The following DYNC2H1 variants were observed in gnomAD, a reference collection of about 807,000 sequenced individuals.
DYNC2H1 encodes dynein cytoplasmic 2 heavy chain 1.
A neutral mutation model predicts 570.0 loss-of-function variants in DYNC2H1; 410 were observed. That is an observed-to-expected ratio of 0.72 (90% confidence interval 0.66 to 0.78). DYNC2H1 has a LOEUF of 0.78. DYNC2H1 is among the 30% of genes least tolerant of loss of function. The pLI, the probability that DYNC2H1 is intolerant of heterozygous loss-of-function variation, is 0.00. For missense variants in DYNC2H1, 4,865 were observed against 5,046.4 expected, an observed-to-expected ratio of 0.96 and a Z score of 1.09; for synonymous variants, 1,688 against 1,677.6, an observed-to-expected ratio of 1.01 and a Z score of -0.15.
chr11:103,358,645 T>C (rs184129697), intron 83 of DYNC2H1, among the ~76,000 whole-genome samples: 15 of 152,312 alleles, frequency 9.8e-5, no homozygotes, highest in Admixed American at 6.5e-4. Context: ...TGTTTGATAA[T>C]TTTCTTCCTC....
Position 103,245,335 on chromosome 11 carries a change from G to C in DYNC2H1, c.10003G>C (p.Val3335Leu). ...IIQEMDGVEP[V>L]LYPLLRRDLV... is the part of the protein sequence containing the mutation. ...ACAAGAGATGGATGGTGTAGAACCT[G>C]TTCTTTATCCATTATTGAGACGAGA... Residue 3335 changes from valine to leucine, a missense_variant, in exon 65 of 89, where the codon GTT becomes CTT. By Grantham distance (32) the Val-to-Leu change is conservative. Coordinates refer to ENST00000375735, the MANE Select transcript of DYNC2H1 (RefSeq NM_001377.3). This position sits in a 1 kb window ranked among gnomAD's most constrained non-coding sequence, Gnocchi z 4.5. 1 of 1,582,470 alleles carries C rather than the reference G, an allele frequency of 6.3e-7. No homozygotes were observed. The highest frequency in any genetic ancestry group is 8.6e-7 in the Non-Finnish European group (1 of 1,163,200).
intron 70 of DYNC2H1, among the ~76,000 whole-genome samples, chr11:103,263,139 T>C (rs1865377978): frequency 6.6e-6 from 1 of 150,478 alleles, no homozygotes; most frequent in African/African-American, 2.5e-5. Context: ...AAGGGATCAA[T>C]GCAACGAGAA....
At position 103,459,681 on chromosome 11, in the gene DYNC2H1, G is replaced by A. The variant is rs367546838; in HGVS notation, c.12648+3325G>A. Among the ~76,000 whole-genome samples, 35 of 152,090 alleles carry A rather than the reference G, an allele frequency of 2.3e-4. 1 individual carries two copies. In the East Asian group the frequency reaches 4.5e-3, roughly 19 times the overall value. On this transcript the variant is annotated intron_variant, in intron 87 of 88. Coordinates refer to ENST00000375735, the MANE Select transcript of DYNC2H1 (RefSeq NM_001377.3). The stretch of plus-strand genomic sequence containing the variant: ...TAAAGCTGAAGGAGTGGCCGGGCGC[G>A]GTGGCTCACGCCTGTAATCCCAGCA...
At chr11:103,377,987 T>TTGG (rs1192118530) in intron 83 of DYNC2H1, among the ~76,000 whole-genome samples, 2 of 152,226 alleles carry the variant, frequency 1.3e-5, no homozygotes, top group Non-Finnish European at 2.9e-5. Flanking sequence ...TCCTCCAGCC[T>TTGG]TGGCCTCCCA....
In DYNC2H1 at chr11:103,228,508, G is replaced by A. The variant is rs1288573985; in HGVS notation, c.9354-2752G>A. Among the ~76,000 whole-genome samples, 2 of 152,166 alleles carry A rather than the reference G, an allele frequency of 1.3e-5. No homozygotes were observed. Among genetic ancestry groups the A allele is most frequent in the Non-Finnish European group, 2.9e-5 (2 of 68,028 alleles). ...CTACTGGGCTCTGGGCTGGTGTTGGGGAGTGTCTGCACAGAGTCCTGTGAT... is the reference window on the plus strand; with the variant it reads ...CTACTGGGCTCTGGGCTGGTGTTGGAGAGTGTCTGCACAGAGTCCTGTGAT... On this transcript the variant is annotated intron_variant, in intron 59 of 88. Coordinates refer to ENST00000375735, the MANE Select transcript of DYNC2H1 (RefSeq NM_001377.3). This position sits in a 1 kb window ranked among gnomAD's most constrained non-coding sequence, Gnocchi z 6.1.
rs755279762 is a variant in DYNC2H1 at position 103,243,735 on chromosome 11, A to T, written c.9862A>T (p.Thr3288Ser). The T allele has an allele frequency of 1.3e-5, 21 of 1,606,880 alleles. No homozygotes were observed. The highest frequency in any genetic ancestry group is 2.7e-5 in the African/African-American group (2 of 74,720). The change falls in exon 64 of 89, where the codon ACA (threonine) becomes TCA (serine). Residue 3288 changes from threonine (T) to serine (S), a missense_variant. By Grantham distance (58) the Thr-to-Ser change is moderately conservative. Transcript: ENST00000375735. This position sits in a 1 kb window ranked among gnomAD's most constrained non-coding sequence, Gnocchi z 4.8. ...PFLIDPSSQA[T>S]EWLKTHLKDS... ...TCTTATAGATCCTTCTTCCCAAGCT[A>T]CAGAGTGGTTAAAAACACATTTGAA... is the stretch of plus-strand genomic sequence containing the variant.
intron 60 of DYNC2H1, among the ~76,000 whole-genome samples, chr11:103,233,545 G>T (rs1864095917): frequency 6.6e-6 from 1 of 151,792 alleles, no homozygotes; most frequent in Non-Finnish European, 1.5e-5. Flanking sequence ...AGAGGGGGTT[G>T]GGCTGTGGGG....
intron 83 of DYNC2H1, among the ~76,000 whole-genome samples, chr11:103,360,116 A>G (rs1940566121): frequency 6.6e-6 from 1 of 152,138 alleles, no homozygotes; most frequent in Non-Finnish European, 1.5e-5. Flanking sequence ...ACATTGAAGT[A>G]TGTGGCCAGA....
intron 84 of DYNC2H1, chr11:103,405,493 A>G (rs781197710): frequency 6.6e-6 from 1 of 151,886 alleles, no homozygotes; most frequent in Non-Finnish European, 1.5e-5. Flanking sequence ...GGCTTCTACC[A>G]TTGAGGATGC....
At chr11:103,188,400 G>A (rs918643110) in intron 43 of DYNC2H1, 97 bp from the exon 44 acceptor site, 1 of 873,266 alleles carries the variant, frequency 1.1e-6, no homozygotes, top group Non-Finnish European at 1.7e-6. Flanking sequence ...GATGATGATT[G>A]CATTTAGAAA....
At chr11:103,214,417 C>G (rs1403145460) in intron 54 of DYNC2H1, among the ~76,000 whole-genome samples, 1 of 150,064 alleles carries the variant, frequency 6.7e-6, no homozygotes, top group Non-Finnish European at 1.5e-5. Flanking sequence ...AGTAGTATGG[C>G]CATTTTAACA....
At chr11:103,343,373 C>T (rs753731733) in intron 82 of DYNC2H1, among the ~76,000 whole-genome samples, 5 of 152,152 alleles carry the variant, frequency 3.3e-5, no homozygotes, top group Non-Finnish European at 5.9e-5. Flanking sequence ...AAAAACCACT[C>T]CCTGTCTCTG....
intron 84 of DYNC2H1, among the ~76,000 whole-genome samples, chr11:103,433,546 G>C (rs1285655734): frequency 6.6e-6 from 1 of 152,114 alleles, no homozygotes; most frequent in Non-Finnish European, 1.5e-5. Context: ...GGTTACTCAT[G>C]GGCTAGCTGT....
At chr11:103,477,788 G>A (rs1191052489) in intron 88 of DYNC2H1, among the ~76,000 whole-genome samples, 4 of 122,530 alleles carry the variant, frequency 3.3e-5, no homozygotes, top group African/African-American at 1.2e-4. Context: ...CCGAAATTAC[G>A]CCACTGCACT....
chr11:103,338,265 G>A (rs1939254817), intron 82 of DYNC2H1, among the ~76,000 whole-genome samples: 1 of 151,958 alleles, frequency 6.6e-6, no homozygotes, highest in Admixed American at 6.6e-5. Flanking sequence ...TGGTATTTTG[G>A]TTACTATAGG....
rs555281989 is a variant in DYNC2H1 at position 103,185,149 on chromosome 11, C to T, written c.6633+98C>T. 1 of 1,156,462 alleles carries T rather than the reference C, an allele frequency of 8.6e-7. No homozygotes were observed. The highest frequency in any genetic ancestry group is 1.2e-6 in the Non-Finnish European group (1 of 849,668). 71.6% of individuals were successfully genotyped at this position (1,156,462 alleles called of 1,614,324 possible). On this transcript the variant is annotated intron_variant, in intron 41 of 88. Coordinates refer to ENST00000375735, the MANE Select transcript of DYNC2H1 (RefSeq NM_001377.3). This position sits in a 1 kb window ranked among gnomAD's most constrained non-coding sequence, Gnocchi z 4.5. Reference sequence around the variant, plus strand: ...TGATTTGTAACTGTAAGATATGGAACTTTTAAAATTTGAAATTATGTATTC... The same window carrying T: ...TGATTTGTAACTGTAAGATATGGAATTTTTAAAATTTGAAATTATGTATTC...
chr11:103,448,375 T>G (rs904198496), intron 85 of DYNC2H1, among the ~76,000 whole-genome samples: 1 of 152,190 alleles, frequency 6.6e-6, no homozygotes, highest in African/African-American at 2.4e-5. Flanking sequence ...AAGATACCTC[T>G]TCCACAGGAA....
Position 103,201,965 on chromosome 11 carries a change from C to T in DYNC2H1, c.8198-1698C>T, listed in dbSNP as rs1862734180. Among the ~76,000 whole-genome samples the T allele has an allele frequency of 6.6e-6, 1 of 152,156 alleles. No individual in the cohort carries two copies. Among genetic ancestry groups the T allele is most frequent in the South Asian group, 2.1e-4 (1 of 4,828 alleles). On this transcript the variant is annotated intron_variant, in intron 50 of 88. Transcript: ENST00000375735. This position sits in a 1 kb window ranked among gnomAD's most constrained non-coding sequence, Gnocchi z 4.8. ...CAAAGTTATATGAACTCATTTTCAA[C>T]TCAGTTTTCAATAAATACTTGCTTT...
intron 79 of DYNC2H1, among the ~76,000 whole-genome samples, chr11:103,313,502 C>G (rs313413): frequency 0.062 from 9,455 of 152,168 alleles, 439 homozygotes; most frequent in East Asian, 0.22. Flanking sequence ...TCTCCTCAAA[C>G]TTTCCCCCTC....
Sources: gnomAD v4.1 joint callset for allele counts (sites outside exome capture counted in the v4.1 genomes callset) on GRCh38, gnomAD v4.1.1 for gene constraint, Gnocchi (gnomAD v3.1) non-coding constraint, MANE v1.5 for transcripts, NCBI Gene and HGNC (gene_info 2026-07-23, HGNC 2026-07-21) for gene names.